The following MRI1 variants were observed in gnomAD, a reference collection of about 807,000 sequenced individuals.
MRI1 encodes the protein methylthioribose-1-phosphate isomerase.
MRI1 carries 32 observed loss-of-function variants against 27.3 expected under a neutral mutation model. That is an observed-to-expected ratio of 1.17 (90% CI 0.88 to 1.57). The LOEUF (loss-of-function observed/expected upper bound fraction) is 1.57. Ranked by LOEUF, MRI1 falls within the 40% of genes most tolerant of loss-of-function variation. The probability of loss-of-function intolerance (pLI) is 0.00; values close to 1 mark genes in which losing one functional copy is unlikely to be tolerated. For synonymous variants in MRI1, 216 were observed against 227.4 expected, an observed-to-expected ratio of 0.95 and a Z score of 0.45; for missense variants, 508 against 516.1, an observed-to-expected ratio of 0.98 and a Z score of 0.15.
chr19:13,766,888 G>A (rs1974135588), intron 3 of MRI1, among the ~76,000 whole-genome samples: 2 of 151,270 alleles, frequency 1.3e-5, no homozygotes, highest in Admixed American at 6.6e-5. Flanking sequence ...AATAAGTACA[G>A]TCATCCTTCA....
intron 3 of MRI1, 52 bp downstream of exon 3, chr19:13,766,181 G>T: frequency 6.8e-7 from 1 of 1,462,406 alleles, no homozygotes; most frequent in Non-Finnish European, 9.1e-7. Context: ...AACTTTTTTA[G>T]ATACAAGAGA....
intron 3 of MRI1, 80 bp downstream of exon 3, chr19:13,766,209 A>G: frequency 6.7e-6 from 9 of 1,345,928 alleles, no homozygotes; most frequent in Non-Finnish European, 8.9e-6. Context: ...CCAAACCCAA[A>G]CCACTTTATC....
intron 2 of MRI1, 84 bp from the exon 3 acceptor site, chr19:13,765,870 G>A (rs961813997): frequency 1.4e-6 from 2 of 1,456,234 alleles, no homozygotes; most frequent in South Asian, 1.3e-5. Context: ...GAGGGCTCCA[G>A]GACAGCAGCG....
At chr19:13,771,043 A>G (rs1332411218) in intron 5 of MRI1, among the ~76,000 whole-genome samples, 1 of 151,922 alleles carries the variant, frequency 6.6e-6, no homozygotes, top group Non-Finnish European at 1.5e-5. Flanking sequence ...CCTGGGCAAC[A>G]TTGCCAGACC....
rs769527774 is a variant in MRI1 at position 13,764,938 on chromosome 19, C to T, written c.200C>T (p.Ala67Val). ...CTCGCCGTGGAGCTGCAGGCGGGCG[C>T]CGGGGGACCGGGACTCGCCGCGCTC... ...LSLAVELQAG[A>V]GGPGLAALVA... Residue 67 changes from alanine to valine, a missense_variant, in exon 2 of 6, where the codon GCC becomes GTC. Physicochemically the swap from Ala to Val is moderately conservative, Grantham distance 64 (BLOSUM62 0). Coordinates refer to ENST00000040663, the MANE Select transcript of MRI1 (RefSeq NM_001031727.4). 1.3e-6 allele frequency: 2 copies of T among 1,497,196 alleles called. No homozygotes were observed. The highest frequency in any genetic ancestry group is 2.5e-5 in the South Asian group (2 of 79,858). The allele number at this position is 1,497,196 out of a possible 1,614,324, so 92.7% of individuals were successfully genotyped here.
At chr19:13,769,530 C>G (rs145155149) in intron 5 of MRI1, among the ~76,000 whole-genome samples, 421 of 152,190 alleles carry the variant, frequency 2.8e-3, no homozygotes, top group Middle Eastern at 0.014. Flanking sequence ...TACAACTAAC[C>G]GGTTATATGA....
chr19:13,765,312 C>T (rs1342744160), intron 2 of MRI1, among the ~76,000 whole-genome samples: 1 of 152,178 alleles, frequency 6.6e-6, no homozygotes, highest in Non-Finnish European at 1.5e-5. Flanking sequence ...AGAGTCTAGC[C>T]TGGGCAGCCT....
At chr19:13,771,697 A>G (rs1974271719) in intron 5 of MRI1, among the ~76,000 whole-genome samples, 1 of 152,040 alleles carries the variant, frequency 6.6e-6, no homozygotes, top group Admixed American at 6.6e-5. Flanking sequence ...CCTCGTCTCT[A>G]CTAAAAATAC....
chr19:13,768,776 C>T, intron 4 of MRI1, 39 bp downstream of exon 4: 1 of 1,594,456 alleles, frequency 6.3e-7, no homozygotes, highest in Non-Finnish European at 8.6e-7. Flanking sequence ...GGCTCTGGAG[C>T]ATGGGGCCAG....
Position 13,768,588 on chromosome 19 carries a change from G to A in MRI1, c.575G>A (p.Gly192Asp), listed in dbSNP as rs1313706010. ...LGVIRSLHSL[G>D]RLEHAFCTET... ...GTGATTCGCTCACTGCACAGCCTGG[G>A]CCGCCTGGAGCATGCCTTCTGCACA... Residue 192 changes from glycine (G) to aspartate (D), a missense_variant, in exon 4 of 6, where the codon GGC becomes GAC. Gly to Asp is a moderately conservative substitution (Grantham distance 94). Around this residue, in one of 3 missense-constraint regions of MRI1, gnomAD observed 457 missense variants for 452.8 expected, o/e 1.01. Coordinates refer to ENST00000040663, the MANE Select transcript of MRI1 (RefSeq NM_001031727.4). 3.1e-6 allele frequency: 5 copies of A among 1,609,978 alleles called. No individual in the cohort carries two copies. Among genetic ancestry groups the A allele is most frequent in the Non-Finnish European group, 4.2e-6 (5 of 1,178,704 alleles).
In MRI1 at chr19:13,768,542, G is replaced by C. The variant is rs1229359002; in HGVS notation, c.548-19G>C. On this transcript the variant is annotated intron_variant, in intron 3 of 5. Coordinates refer to ENST00000040663, the MANE Select transcript of MRI1 (RefSeq NM_001031727.4). ...TGCCCCTCCCCGGGGCCTTCTCCTGGTGGGTGGGGCCCCCGCAGGTGTGAT... is the reference window on the plus strand; with the variant it reads ...TGCCCCTCCCCGGGGCCTTCTCCTGCTGGGTGGGGCCCCCGCAGGTGTGAT... The C allele has an allele frequency of 3.1e-6, 5 of 1,598,556 alleles. No homozygotes were observed. The South Asian group carries it at 3.4e-5, about 11-fold the overall frequency.
intron 3 of MRI1, 79 bp downstream of exon 3, chr19:13,766,208 A>G: frequency 7.4e-7 from 1 of 1,349,606 alleles, no homozygotes; most frequent in Non-Finnish European, 9.9e-7. Context: ...CCCAAACCCA[A>G]ACCACTTTAT....
At chr19:13,768,390 G>A in intron 3 of MRI1, 171 bp from the exon 4 acceptor site, 2 of 1,528,346 alleles carry the variant, frequency 1.3e-6, no homozygotes, top group Non-Finnish European at 1.8e-6. Flanking sequence ...GCATTGGGAA[G>A]AGCATACCAG....
chr19:13,771,104 C>G (rs1974259057), intron 5 of MRI1, among the ~76,000 whole-genome samples: 1 of 150,234 alleles, frequency 6.7e-6, no homozygotes, highest in South Asian at 2.1e-4. Flanking sequence ...ATGATTGTAA[C>G]CCCAGCACTT....
rs1215799745 is a variant in MRI1, at chr19:13,773,079, G to C, written c.*798G>C. On this transcript the variant is annotated 3_prime_UTR_variant, in exon 6 of 6. Transcript: ENST00000040663. ...GCTGGAATGTAGAGGCGAGATCTCA[G>C]CTCACTGAAACCTGTGCCTCCCCGG... The C allele has an allele frequency of 2.0e-5, 3 of 151,554 alleles. No individual in the cohort carries two copies. Among genetic ancestry groups the C allele is most frequent in the Admixed American group, 1.3e-4 (2 of 15,200 alleles). The allele number at this position is 151,554 out of a possible 1,614,324, so 9.4% of individuals were successfully genotyped here. A position where few individuals can be genotyped will look rare whatever the true frequency, so the allele number is the denominator to read the frequency against.
chr19:13,765,357 C>T (rs549505755), intron 2 of MRI1, among the ~76,000 whole-genome samples: 2 of 152,292 alleles, frequency 1.3e-5, no homozygotes, highest in South Asian at 4.1e-4. Flanking sequence ...CGTGCCTCCC[C>T]TGAATACACG....
rs983653920 is a variant in MRI1 at position 13,764,532 on chromosome 19, C to T, written c.-57C>T. The stretch of plus-strand genomic sequence containing the variant: ...TCCGCCCACGGCCCCGCCCCGCTCC[C>T]AAGTGCGCGCGGACCCCTAGCTCCC... On this transcript the variant is annotated 5_prime_UTR_variant, in exon 1 of 6. Transcript: ENST00000040663. 1.6e-5 allele frequency: 25 copies of T among 1,586,512 alleles called. No individual in the cohort carries two copies. Among genetic ancestry groups the T allele is most frequent in the Non-Finnish European group, 2.0e-5 (23 of 1,168,076 alleles).
rs991311666 is a variant in MRI1, at chr19:13,773,482, A to G, written c.*1201A>G. The G allele has an allele frequency of 1.3e-5, 2 of 152,318 alleles. No homozygotes were observed. Among genetic ancestry groups the G allele is most frequent in the Non-Finnish European group, 2.9e-5 (2 of 68,018 alleles). The allele number at this position is 152,318 out of a possible 1,614,324, so 9.4% of individuals were successfully genotyped here. A position where few individuals can be genotyped will look rare whatever the true frequency, so the allele number is the denominator to read the frequency against. On this transcript the variant is annotated 3_prime_UTR_variant, in exon 6 of 6. Coordinates refer to ENST00000040663, the MANE Select transcript of MRI1 (RefSeq NM_001031727.4). ...TCTCTACAAACAAAAATTTAAAAAC[A>G]ATGAGCTGGGCATGGAACTCACACC...
At position 13,765,006 on chromosome 19, in the gene MRI1, C is replaced by T. The variant is rs976318257; in HGVS notation, c.268C>T (p.Arg90Trp). The change falls in exon 2 of 6, where the codon CGG becomes TGG. Residue 90 changes from arginine to tryptophan, a missense_variant. This residue lies in a region of MRI1 where 457 missense variants were observed against 452.8 expected (regional missense o/e 1.01). Transcript: ENST00000040663. ...CAAGCTGAGCTTCCTCGTCACCGCC[C>T]GGCCCACCGCTGTCAACATGGCCCG... is the stretch of plus-strand genomic sequence containing the variant. Reference protein sequence around the residue: ...RDKLSFLVTARPTAVNMARAA... With the variant: ...RDKLSFLVTAWPTAVNMARAA... The T allele has an allele frequency of 2.0e-6, 3 of 1,523,514 alleles. No individual in the cohort carries two copies. The highest frequency in any genetic ancestry group is 1.4e-5 in the African/African-American group (1 of 71,300). 94.4% of individuals were successfully genotyped at this position (1,523,514 alleles called of 1,614,324 possible).
Sources: gnomAD v4.1 joint callset for allele counts (sites outside exome capture counted in the v4.1 genomes callset) on GRCh38, gnomAD v4.1.1 for gene constraint, gnomAD v4.1.1 regional missense constraint, MANE v1.5 for transcripts, NCBI Gene and HGNC (gene_info 2026-07-23, HGNC 2026-07-21) for gene names.